The following ANOS1 variants were observed in gnomAD, a reference collection of about 807,000 sequenced individuals.
ANOS1 encodes anosmin 1.
A neutral mutation model predicts 59.0 loss-of-function variants in ANOS1; 6 were observed. The observed-to-expected ratio is 0.10, with a 90% CI of 0.06 to 0.20. The LOEUF is 0.20. ANOS1 is among the 10% of genes least tolerant of loss of function. The probability of loss-of-function intolerance (pLI) is 1.00; values close to 1 mark genes in which losing one functional copy is unlikely to be tolerated. For synonymous variants in ANOS1, 217 were observed against 223.4 expected (o/e 0.97, Z 0.25); for missense variants, 433 against 542.3 (o/e 0.80, Z 2.00).
chrX:8,626,537 A>T (rs955361442), intron 2 of ANOS1, among the ~76,000 whole-genome samples: 2 of 111,734 alleles, frequency 1.8e-5, no homozygotes, highest in South Asian at 3.7e-4. Flanking sequence ...AAGAAAAACA[A>T]TTTTAATAGT....
At chrX:8,691,075 C>T (rs867965449) in intron 2 of ANOS1, among the ~76,000 whole-genome samples, 1 of 96,222 alleles carries the variant, frequency 1.0e-5, no homozygotes. Context: ...AAGGAGAAAT[C>T]TTTTTTTTTT....
intron 3 of ANOS1, among the ~76,000 whole-genome samples, chrX:8,617,733 A>G (rs764514717): frequency 4.8e-4 from 53 of 110,374 alleles, no homozygotes; most frequent in Non-Finnish European, 6.2e-4. Context: ...GTGAGCTGAG[A>G]CCGAGCCACT....
intron 2 of ANOS1, among the ~76,000 whole-genome samples, chrX:8,639,705 A>G (rs1931627875): frequency 8.9e-6 from 1 of 112,614 alleles, no homozygotes; most frequent in African/African-American, 3.2e-5. Context: ...TATATTACAA[A>G]GAGAATACAA....
At position 8,570,558 on chromosome X, in the gene ANOS1, T is replaced by G; in HGVS notation, c.1003A>C (p.Met335Leu). The part of the protein sequence containing the change: ...VHHYKVFWSW[M>L]VSSKSLVPTK... ...GGGACAAGAGACTTACTGCTGACCA[T>G]CCAGCTCCAAAAGACCTTGTAATGA... Residue 335 changes from methionine (M) to leucine (L), a missense_variant, in exon 7 of 14, where the codon ATG (methionine) becomes CTG (leucine). Transcript: ENST00000262648. 8.3e-7 allele frequency: 1 copy of G among 1,211,446 alleles called. No individual in the cohort carries two copies. Among genetic ancestry groups the G allele is most frequent in the Non-Finnish European group, 1.1e-6 (1 of 895,212 alleles).
At chrX:8,580,041 G>A (rs1227147303) in intron 6 of ANOS1, among the ~76,000 whole-genome samples, 1 of 112,074 alleles carries the variant, frequency 8.9e-6, no homozygotes, top group South Asian at 3.7e-4. Flanking sequence ...GTTGAAATCT[G>A]TGTTTCAAAG....
intron 2 of ANOS1, among the ~76,000 whole-genome samples, chrX:8,667,412 C>CA (rs1355804634): frequency 9.0e-6 from 1 of 111,260 alleles, no homozygotes; most frequent in Non-Finnish European, 1.9e-5. Context: ...CCTCCTGCTT[C>CA]AGCCTCCAGA....
chrX:8,694,538 G>A (rs1041571917), intron 2 of ANOS1, among the ~76,000 whole-genome samples: 2 of 111,414 alleles, frequency 1.8e-5, no homozygotes, highest in African/African-American at 6.5e-5. Flanking sequence ...GCATGGTGGG[G>A]GGTACCTGTA....
At chrX:8,587,750 CACTA>C (rs1157926154) in intron 5 of ANOS1, 40 bp downstream of exon 5, 2 of 1,073,265 alleles carry the variant, frequency 1.9e-6, no homozygotes, top group African/African-American at 3.7e-5. Context: ...ATGTAGCAGA[CACTA>C]CCTCCAGGAT....
intron 6 of ANOS1, among the ~76,000 whole-genome samples, chrX:8,571,851 A>G (rs1200280266): frequency 8.9e-6 from 1 of 112,071 alleles, no homozygotes; most frequent in African/African-American, 3.2e-5. Flanking sequence ...TTATAGCACC[A>G]TCTGTGTTGG....
intron 3 of ANOS1, among the ~76,000 whole-genome samples, chrX:8,607,965 A>G (rs1930971285): frequency 8.9e-6 from 1 of 111,935 alleles, no homozygotes; most frequent in African/African-American, 3.2e-5. Flanking sequence ...AACTTTAAAG[A>G]CCAGTCATCA....
At chrX:8,688,345 G>A (rs1429442475) in intron 2 of ANOS1, among the ~76,000 whole-genome samples, 2 of 111,953 alleles carry the variant, frequency 1.8e-5, no homozygotes, top group Admixed American at 9.5e-5. Flanking sequence ...TCAAACAAGC[G>A]GTGCTCATCC....
At chrX:8,541,413 C>A (rs774022384) in intron 9 of ANOS1, among the ~76,000 whole-genome samples, 1 of 101,638 alleles carries the variant, frequency 9.8e-6, no homozygotes, top group Non-Finnish European at 2.0e-5. Flanking sequence ...CCCACCACCC[C>A]CCCCCCAAAA....
At chrX:8,706,955 T>C (rs1285977673) in intron 1 of ANOS1, among the ~76,000 whole-genome samples, 1 of 111,604 alleles carries the variant, frequency 9.0e-6, no homozygotes, top group Non-Finnish European at 1.9e-5. Context: ...TACTGTCCTT[T>C]CTTCAAAGAA....
At chrX:8,702,374 C>A (rs1417759448) in intron 1 of ANOS1, among the ~76,000 whole-genome samples, 1 of 111,642 alleles carries the variant, frequency 9.0e-6, no homozygotes, top group Admixed American at 9.5e-5. Context: ...ATAAAGGGAG[C>A]CATTGGCTTG....
chrX:8,568,480 T>C (rs1484209603), intron 7 of ANOS1, 104 bp from the exon 8 acceptor site: 1 of 764,133 alleles, frequency 1.3e-6, no homozygotes, highest in Admixed American at 2.4e-5. Flanking sequence ...CAACTTCTGA[T>C]TTCTTTTACC....
chrX:8,533,867 T>C (rs757544845), intron 13 of ANOS1, among the ~76,000 whole-genome samples: 5 of 110,016 alleles, frequency 4.5e-5, no homozygotes, highest in South Asian at 3.8e-4. Context: ...ATTTCAGATA[T>C]GAGACTACAG....
At chrX:8,615,550 AAAAAAAAAAG>A (rs1243268513) in intron 3 of ANOS1, among the ~76,000 whole-genome samples, 1 of 97,775 alleles carries the variant, frequency 1.0e-5, no homozygotes, top group Non-Finnish European at 2.1e-5. Flanking sequence ...CTCAAAAAAA[AAAAAAAAAAG>A]AAAAGAAAAG....
chrX:8,546,263 T>G (rs1238299132), intron 9 of ANOS1, among the ~76,000 whole-genome samples: 1 of 112,139 alleles, frequency 8.9e-6, no homozygotes, highest in Non-Finnish European at 1.9e-5. Context: ...AAAAGGTTTC[T>G]GTAAGGAGGA....
At chrX:8,619,288 A>G (rs890484770) in intron 3 of ANOS1, among the ~76,000 whole-genome samples, 1 of 110,706 alleles carries the variant, frequency 9.0e-6, no homozygotes, top group African/African-American at 3.3e-5. Flanking sequence ...TTTGATACAA[A>G]CATTTAACTT....
Sources: gnomAD v4.1 joint callset for allele counts (sites outside exome capture counted in the v4.1 genomes callset) on GRCh38, gnomAD v4.1.1 for gene constraint, MANE v1.5 for transcripts, NCBI Gene and HGNC (gene_info 2026-07-23, HGNC 2026-07-21) for gene names.